The following HS3ST5 variants were observed in gnomAD, a reference collection of about 807,000 sequenced individuals.
HS3ST5 encodes heparan sulfate glucosamine 3-O-sulfotransferase 5.
A neutral mutation model predicts 25.4 loss-of-function variants in HS3ST5; 10 were observed. The ratio of observed to expected loss-of-function variants is 0.39; its 90% CI spans 0.24 to 0.67. HS3ST5 has a LOEUF of 0.67. Ranked by LOEUF, HS3ST5 falls within the 30% of genes least tolerant of loss-of-function variation. The probability of loss-of-function intolerance (pLI) is 0.44; values close to 1 mark genes in which losing one functional copy is unlikely to be tolerated. For missense variants in HS3ST5, 324 were observed against 420.7 expected (o/e 0.77, Z 2.01); for synonymous variants, 170 against 162.4 (o/e 1.05, Z -0.36).
intron 1 of HS3ST5, among the ~76,000 whole-genome samples, chr6:114,287,204 GTAATA>G: frequency 6.6e-6 from 1 of 152,060 alleles, no homozygotes; most frequent in South Asian, 2.1e-4. Context: ...ATTCATGGCA[GTAATA>G]TAATTTTAAT....
chr6:114,174,790 G>T (rs9400699), intron 2 of HS3ST5, among the ~76,000 whole-genome samples: 1 of 151,738 alleles, frequency 6.6e-6, no homozygotes, highest in Non-Finnish European at 1.5e-5. Flanking sequence ...GTCAAGAGAT[G>T]GAGACCATCC....
At chr6:114,084,084 T>C (rs1774627128) in intron 3 of HS3ST5, 3 of 587,768 alleles carry the variant, frequency 5.1e-6, no homozygotes, top group Non-Finnish European at 9.0e-6. Flanking sequence ...TATTTTCTTT[T>C]CTTTTTTTTT....
In HS3ST5 at chr6:114,146,368, A is replaced by T. The variant is rs138005645; in HGVS notation, c.-33+21983T>A. On this transcript the variant is annotated intron_variant, in intron 3 of 4. Coordinates refer to ENST00000312719, the MANE Select transcript of HS3ST5 (RefSeq NM_153612.4). ...TTCTGAGAGAATCATATCGTTAAAG[A>T]AAGTAGAAGTCTGGCCCATAAAGTC... Among the ~76,000 whole-genome samples the T allele has an allele frequency of 4.7e-3, 715 of 152,330 alleles. 7 individuals are homozygous for T. The highest frequency in any genetic ancestry group is 0.016 in the African/African-American group (681 of 41,574).
At chr6:114,248,697 G>T (rs1442255272) in intron 1 of HS3ST5, among the ~76,000 whole-genome samples, 1 of 152,060 alleles carries the variant, frequency 6.6e-6, no homozygotes, top group Non-Finnish European at 1.5e-5. Context: ...AACAGACAAG[G>T]TCTCTTCTTT....
intron 3 of HS3ST5, among the ~76,000 whole-genome samples, chr6:114,157,442 G>A (rs911047270): frequency 5.3e-5 from 8 of 152,038 alleles, no homozygotes; most frequent in Non-Finnish European, 1.2e-4. Context: ...CAGGGGGATG[G>A]AAAGATGTTG....
chr6:114,333,680 C>G (rs907932128), intron 1 of HS3ST5, among the ~76,000 whole-genome samples: 1 of 151,938 alleles, frequency 6.6e-6, no homozygotes, highest in Non-Finnish European at 1.5e-5. Flanking sequence ...GAGTCTTGCT[C>G]TGTCTCCCAG....
rs184072114 is a variant in HS3ST5, at chr6:114,323,176, A to G, written c.-339+19019T>C. ...CCTATTGCCAACTAACAAATGTGAT[A>G]AGGAGCCATGCCCCAGAATGAAGGG... On this transcript the variant is annotated intron_variant, in intron 1 of 4. Coordinates refer to ENST00000312719, the MANE Select transcript of HS3ST5 (RefSeq NM_153612.4). Among the ~76,000 whole-genome samples, 10 of 152,284 alleles carry G rather than the reference A, an allele frequency of 6.6e-5. No individual in the cohort carries two copies. In the East Asian group the frequency reaches 1.9e-3, roughly 29 times the overall value.
intron 1 of HS3ST5, among the ~76,000 whole-genome samples, chr6:114,300,328 A>T (rs566112590): frequency 6.6e-6 from 1 of 152,340 alleles, no homozygotes; most frequent in African/African-American, 2.4e-5. Flanking sequence ...ATCCAATTCA[A>T]AAATGGGCTA....
intron 1 of HS3ST5, among the ~76,000 whole-genome samples, chr6:114,258,771 T>C (rs970149253): frequency 6.6e-6 from 1 of 152,200 alleles, no homozygotes; most frequent in African/African-American, 2.4e-5. Flanking sequence ...AGTCCCTGGT[T>C]TTGATCTTCT....
chr6:114,247,541 C>G (rs1772438760), intron 1 of HS3ST5, among the ~76,000 whole-genome samples: 1 of 152,058 alleles, frequency 6.6e-6, no homozygotes, highest in Admixed American at 6.6e-5. Context: ...CTTCTACAAT[C>G]AATTTATAAA....
intron 1 of HS3ST5, among the ~76,000 whole-genome samples, chr6:114,250,052 T>C (rs1206649443): frequency 6.6e-6 from 1 of 152,184 alleles, no homozygotes; most frequent in Non-Finnish European, 1.5e-5. Flanking sequence ...CACAAAGTTA[T>C]GATATGCATT....
At chr6:114,150,706 A>G (rs1254108206) in intron 3 of HS3ST5, among the ~76,000 whole-genome samples, 1 of 152,336 alleles carries the variant, frequency 6.6e-6, no homozygotes, top group East Asian at 1.9e-4. Flanking sequence ...GATTCAGAGA[A>G]GGAGTTAATG....
At chr6:114,313,183 TAAC>T (rs1256297442) in intron 1 of HS3ST5, among the ~76,000 whole-genome samples, 2 of 151,710 alleles carry the variant, frequency 1.3e-5, no homozygotes, top group East Asian at 1.9e-4. Context: ...TTGTTAAAAA[TAAC>T]AACAACATAC....
At chr6:114,092,831 A>G (rs1387949865) in intron 3 of HS3ST5, among the ~76,000 whole-genome samples, 1 of 151,842 alleles carries the variant, frequency 6.6e-6, no homozygotes, top group African/African-American at 2.4e-5. Flanking sequence ...ACATACCACT[A>G]TACCCTGCTA....
chr6:114,313,642 T>TG (rs1291005144), intron 1 of HS3ST5, among the ~76,000 whole-genome samples: 1 of 152,130 alleles, frequency 6.6e-6, no homozygotes, highest in African/African-American at 2.4e-5. Context: ...AGTAGTTTAT[T>TG]GGGGAGGAGG....
chr6:114,313,282 T>C (rs1052157979), intron 1 of HS3ST5, among the ~76,000 whole-genome samples: 76 of 152,240 alleles, frequency 5.0e-4, no homozygotes, highest in African/African-American at 1.7e-3. Context: ...TGGAAAACAG[T>C]TTGATAGCCT....
At position 114,128,637 on chromosome 6, in the gene HS3ST5, TCAAAA is replaced by T. The variant is rs746425501; in HGVS notation, c.-33+39709_-33+39713del. ...AAGAGATTTAAAAAAGTAAAACAAA[TCAAAA>T]CAAAATAAACCTGTAGATTTTACAA... On this transcript the variant is annotated intron_variant, in intron 3 of 4. Coordinates refer to ENST00000312719, the MANE Select transcript of HS3ST5 (RefSeq NM_153612.4). Among the ~76,000 whole-genome samples, 7 of 152,062 alleles carry T rather than the reference TCAAAA, an allele frequency of 4.6e-5. 1 individual carries two copies. The highest frequency in any genetic ancestry group is 8.8e-5 in the Non-Finnish European group (6 of 68,006).
intron 3 of HS3ST5, among the ~76,000 whole-genome samples, chr6:114,065,587 G>C (rs1457911665): frequency 6.6e-6 from 1 of 152,178 alleles, no homozygotes; most frequent in African/African-American, 2.4e-5. Flanking sequence ...AATGAAATGA[G>C]TTTTCTACAG....
chr6:114,196,531 C>A (rs1780765107), intron 2 of HS3ST5, among the ~76,000 whole-genome samples: 1 of 151,996 alleles, frequency 6.6e-6, no homozygotes, highest in Non-Finnish European at 1.5e-5. Context: ...TAATGTACTG[C>A]CCAAATTCTA....
Sources: gnomAD v4.1 joint callset for allele counts (sites outside exome capture counted in the v4.1 genomes callset) on GRCh38, gnomAD v4.1.1 for gene constraint, MANE v1.5 for transcripts, NCBI Gene and HGNC (gene_info 2026-07-23, HGNC 2026-07-21) for gene names.